The following C10orf90 variants were observed in gnomAD, a reference collection of about 807,000 sequenced individuals.
C10orf90 encodes (E2-independent) E3 ubiquitin-conjugating enzyme FATS.
In C10orf90, 56 loss-of-function variants were observed where a neutral mutation model predicts 62.5. That is an observed-to-expected ratio of 0.90 (90% CI 0.72 to 1.12). The LOEUF (loss-of-function observed/expected upper bound fraction) is 1.12, where lower values mean the gene tolerates loss of function less well. Ranked by LOEUF, C10orf90 falls within the 50% of genes most tolerant of loss-of-function variation. The pLI is 0.00. For missense variants in C10orf90, 970 were observed against 880.4 expected (o/e 1.10, Z -1.29); for synonymous variants, 386 against 340.4 (o/e 1.13, Z -1.47).
intron 2 of C10orf90, among the ~76,000 whole-genome samples, chr10:126,551,246 A>G (rs1422095019): frequency 6.6e-6 from 1 of 152,238 alleles, no homozygotes; most frequent in Non-Finnish European, 1.5e-5. Context: ...AACATTTGCT[A>G]TAATGCACTG....
intron 4 of C10orf90, among the ~76,000 whole-genome samples, chr10:126,471,240 G>A (rs1162149729): frequency 1.3e-5 from 2 of 152,212 alleles, no homozygotes; most frequent in Non-Finnish European, 2.9e-5. Context: ...CAGCCAACCT[G>A]AAAATCAACC....
At chr10:126,440,292 C>G (rs1447298644) in intron 7 of C10orf90, among the ~76,000 whole-genome samples, 2 of 152,092 alleles carry the variant, frequency 1.3e-5, no homozygotes, top group African/African-American at 4.8e-5. Context: ...TGACAACCTG[C>G]ATGACTCAGC....
intron 7 of C10orf90, among the ~76,000 whole-genome samples, chr10:126,450,967 T>C (rs1329007972): frequency 1.3e-5 from 2 of 151,782 alleles, no homozygotes; most frequent in Non-Finnish European, 2.9e-5. Flanking sequence ...ATATCCAAAA[T>C]ATATAAGGAA....
intron 2 of C10orf90, among the ~76,000 whole-genome samples, chr10:126,561,553 C>T (rs566946849): frequency 6.6e-6 from 1 of 152,196 alleles, no homozygotes; most frequent in Admixed American, 6.5e-5. Context: ...CTGTGGAATT[C>T]CGATGACAAA....
chr10:126,549,010 AT>A, intron 2 of C10orf90, among the ~76,000 whole-genome samples: 1 of 152,302 alleles, frequency 6.6e-6, no homozygotes, highest in Non-Finnish European at 1.5e-5. Flanking sequence ...TTATATAAAA[AT>A]AACTCAAACA....
chr10:126,479,028 A>G (rs2133796090), intron 4 of C10orf90, among the ~76,000 whole-genome samples: 2 of 152,306 alleles, frequency 1.3e-5, no homozygotes, highest in South Asian at 4.1e-4. Context: ...TCATCTGGAC[A>G]CCAAAATTTG....
intron 5 of C10orf90, 113 bp downstream of exon 5, chr10:126,464,583 G>A: frequency 8.5e-7 from 1 of 1,172,314 alleles, no homozygotes; most frequent in Non-Finnish European, 1.2e-6. Context: ...TTGGAGAAGG[G>A]GAGGTTTCAT....
chr10:126,500,624 C>G (rs1862322021), intron 4 of C10orf90, among the ~76,000 whole-genome samples: 1 of 152,030 alleles, frequency 6.6e-6, no homozygotes, highest in African/African-American at 2.4e-5. Context: ...TGAATGCTTA[C>G]CAGTAGTAGA....
chr10:126,505,180 G>A (rs1862659763), intron 3 of C10orf90, 95 bp from the exon 4 acceptor site: 1 of 1,298,872 alleles, frequency 7.7e-7, no homozygotes, highest in Non-Finnish European at 1.0e-6. Flanking sequence ...CAGAGCACTG[G>A]GTTCATAACA....
At chr10:126,513,723 T>G (rs1360224720) in intron 3 of C10orf90, 125 bp downstream of exon 3, 8 of 633,406 alleles carry the variant, frequency 1.3e-5, no homozygotes, top group Non-Finnish European at 2.2e-5. Context: ...TTAGATTGTT[T>G]GCTACATTAA....
At chr10:126,598,657 G>A (rs748015029) in intron 2 of C10orf90, among the ~76,000 whole-genome samples, 3 of 152,178 alleles carry the variant, frequency 2.0e-5, no homozygotes, top group Non-Finnish European at 4.4e-5. Context: ...TGCAGTTGGT[G>A]TGTGAGCTGC....
At chr10:126,475,583 T>C (rs1860815012) in intron 4 of C10orf90, among the ~76,000 whole-genome samples, 1 of 152,182 alleles carries the variant, frequency 6.6e-6, no homozygotes, top group Admixed American at 6.5e-5. Context: ...TTTTCCCCTC[T>C]TTATAAAAAT....
intron 2 of C10orf90, among the ~76,000 whole-genome samples, chr10:126,531,691 A>T (rs1374173903): frequency 1.3e-5 from 2 of 152,196 alleles, no homozygotes; most frequent in African/African-American, 2.4e-5. Context: ...TTTAGAAGAA[A>T]ATAGAGCAGG....
intron 3 of C10orf90, among the ~76,000 whole-genome samples, chr10:126,506,153 G>T (rs746610261): frequency 7.2e-5 from 11 of 152,178 alleles, no homozygotes; most frequent in South Asian, 2.1e-4. Context: ...AATGACCAAG[G>T]TGTTTCATTT....
rs187592443 is a variant in C10orf90 at position 126,453,137 on chromosome 10, G to A, written c.2188+5903C>T. ...GATTTGTTGGAGAAGGAATTCTGCC[G>A]TGCCTTCCAGAGAATTCCATTCCTC... On this transcript the variant is annotated intron_variant, in intron 7 of 9. Transcript: ENST00000488181. The surrounding 1 kb of genome is among the most constrained non-coding windows in gnomAD (Gnocchi z 4.9). Among the ~76,000 whole-genome samples, 11 of 152,282 alleles carry A rather than the reference G, an allele frequency of 7.2e-5. No individual in the cohort carries two copies. Among genetic ancestry groups the A allele is most frequent in the East Asian group, 3.9e-4 (2 of 5,168 alleles).
intron 2 of C10orf90, among the ~76,000 whole-genome samples, chr10:126,586,942 C>T (rs1844884559): frequency 6.6e-6 from 1 of 152,206 alleles, no homozygotes; most frequent in Non-Finnish European, 1.5e-5. Flanking sequence ...AAAGGGTCCT[C>T]AACGGTCTTC....
chr10:126,461,022 A>G (rs1175902335), intron 6 of C10orf90, among the ~76,000 whole-genome samples: 1 of 152,174 alleles, frequency 6.6e-6, no homozygotes, highest in Non-Finnish European at 1.5e-5. Flanking sequence ...TCAAAGGCTC[A>G]GTGTCCTCAT....
intron 3 of C10orf90, among the ~76,000 whole-genome samples, chr10:126,508,859 T>C (rs978373622): frequency 6.6e-6 from 1 of 152,100 alleles, no homozygotes; most frequent in Non-Finnish European, 1.5e-5. Context: ...ATGACACCCA[T>C]GAGATTGGCA....
intron 4 of C10orf90, among the ~76,000 whole-genome samples, chr10:126,465,613 G>A (rs60819309): frequency 0.012 from 1,785 of 152,180 alleles, 33 homozygotes; most frequent in African/African-American, 0.04. Flanking sequence ...GTACTATGGC[G>A]AATACAGAGA....
Sources: gnomAD v4.1 joint callset for allele counts (sites outside exome capture counted in the v4.1 genomes callset) on GRCh38, gnomAD v4.1.1 for gene constraint, Gnocchi (gnomAD v3.1) non-coding constraint, MANE v1.5 for transcripts, NCBI Gene and HGNC (gene_info 2026-07-23, HGNC 2026-07-21) for gene names.